Variants in CDKAL1 observed in about 807,000 individuals in gnomAD.
CDKAL1 encodes threonylcarbamoyladenosine tRNA methylthiotransferase.
CDKAL1 carries 32 observed loss-of-function variants against 68.2 expected under a neutral mutation model. The ratio of observed to expected loss-of-function variants is 0.47; its 90% CI spans 0.35 to 0.63. The LOEUF is 0.63. Among genes scored for constraint, CDKAL1 ranks in the 30% least tolerant of loss-of-function variants. CDKAL1 has a pLI of 0.00. For synonymous variants in CDKAL1, 234 were observed against 244.3 expected (o/e 0.96, Z 0.39); for missense variants, 606 against 696.7 (o/e 0.87, Z 1.47).
chr6:20,578,763 T>G (rs1765018210), intron 4 of CDKAL1, among the ~76,000 whole-genome samples: 1 of 152,214 alleles, frequency 6.6e-6, no homozygotes. Context: ...CATTGACATC[T>G]GATGAAGAAG....
intron 8 of CDKAL1, among the ~76,000 whole-genome samples, chr6:20,841,660 A>G (rs946358648): frequency 4.6e-5 from 7 of 152,210 alleles, no homozygotes; most frequent in Admixed American, 2.0e-4. Flanking sequence ...TGTCATCCCA[A>G]CCCTTTGGGA....
chr6:20,716,845 A>G (rs1437207312), intron 5 of CDKAL1, among the ~76,000 whole-genome samples: 1 of 151,908 alleles, frequency 6.6e-6, no homozygotes, highest in Non-Finnish European at 1.5e-5. Context: ...AATCCATGGG[A>G]CTGCAGAAGA....
intron 4 of CDKAL1, among the ~76,000 whole-genome samples, chr6:20,640,562 T>C (rs1277702202): frequency 1.3e-5 from 2 of 152,220 alleles, no homozygotes; most frequent in East Asian, 1.9e-4. Flanking sequence ...ACATGACATG[T>C]TCAAGATCTT....
At chr6:21,132,487 A>G (rs866024317) in intron 13 of CDKAL1, among the ~76,000 whole-genome samples, 38 of 152,228 alleles carry the variant, frequency 2.5e-4, no homozygotes, top group African/African-American at 9.1e-4. Flanking sequence ...GCCATTATAC[A>G]TAAGGTCTTA....
intron 9 of CDKAL1, among the ~76,000 whole-genome samples, chr6:20,893,504 A>G (rs967411023): frequency 6.6e-6 from 1 of 152,188 alleles, no homozygotes; most frequent in African/African-American, 2.4e-5. Flanking sequence ...GGGGAAGGAT[A>G]ATGTGAATTT....
intron 2 of CDKAL1, among the ~76,000 whole-genome samples, chr6:20,542,056 C>T (rs551026060): frequency 6.6e-6 from 1 of 152,326 alleles, no homozygotes; most frequent in East Asian, 1.9e-4. Context: ...ATCTTTGGTT[C>T]TTACTGACAA....
intron 8 of CDKAL1, among the ~76,000 whole-genome samples, chr6:20,833,429 G>A (rs1472014481): frequency 1.3e-5 from 2 of 151,592 alleles, no homozygotes; most frequent in African/African-American, 4.9e-5. Flanking sequence ...CCCTGAAGAG[G>A]GATACTCAAA....
At chr6:20,656,693 T>A (rs960677643) in intron 5 of CDKAL1, among the ~76,000 whole-genome samples, 19 of 152,248 alleles carry the variant, frequency 1.2e-4, no homozygotes, top group African/African-American at 4.6e-4. Flanking sequence ...CAAATATAAC[T>A]TGTGTCAATG....
At chr6:20,655,257 T>G (rs1768969977) in intron 5 of CDKAL1, among the ~76,000 whole-genome samples, 1 of 152,204 alleles carries the variant, frequency 6.6e-6, no homozygotes. Flanking sequence ...GGTCAGGGAC[T>G]TAGTTGTAGT....
chr6:20,791,964 C>T (rs570857971), intron 8 of CDKAL1, among the ~76,000 whole-genome samples: 3 of 151,232 alleles, frequency 2.0e-5, no homozygotes, highest in Admixed American at 6.6e-5. Context: ...AACTTGTTTT[C>T]CAGCCCTATC....
chr6:21,106,813 G>GT (rs1163190318), intron 12 of CDKAL1, among the ~76,000 whole-genome samples: 2 of 152,082 alleles, frequency 1.3e-5, no homozygotes, highest in Non-Finnish European at 2.9e-5. Flanking sequence ...TACATAGAAT[G>GT]ACCTCTTTTC....
chr6:20,885,986 A>C (rs1389206356), intron 9 of CDKAL1, among the ~76,000 whole-genome samples: 2 of 152,106 alleles, frequency 1.3e-5, no homozygotes, highest in African/African-American at 4.8e-5. Flanking sequence ...GCAGTGAGCC[A>C]AGATCATGCC....
intron 11 of CDKAL1, among the ~76,000 whole-genome samples, chr6:21,061,771 G>T (rs373381336): frequency 6.6e-6 from 1 of 152,054 alleles, no homozygotes; most frequent in African/African-American, 2.4e-5. Context: ...GATCATTTGC[G>T]TATATAAAAT....
chr6:20,736,767 G>A (rs1773214134), intron 5 of CDKAL1, among the ~76,000 whole-genome samples: 1 of 147,564 alleles, frequency 6.8e-6, no homozygotes, highest in African/African-American at 2.6e-5. Context: ...GCGAGACTCT[G>A]CCTCAAAAAA....
At chr6:20,972,155 G>GT (rs1347288207) in intron 10 of CDKAL1, among the ~76,000 whole-genome samples, 11 of 152,178 alleles carry the variant, frequency 7.2e-5, no homozygotes, top group Admixed American at 7.2e-4. Context: ...ACTTGCAAGT[G>GT]TTTTTCATGC....
chr6:20,590,894 A>G (rs1164994520), intron 4 of CDKAL1, among the ~76,000 whole-genome samples: 1 of 152,150 alleles, frequency 6.6e-6, no homozygotes, highest in African/African-American at 2.4e-5. Context: ...GCTGGGTCAA[A>G]TGGTATTTCT....
intron 4 of CDKAL1, among the ~76,000 whole-genome samples, chr6:20,593,319 A>G (rs1765674122): frequency 6.6e-6 from 1 of 152,068 alleles, no homozygotes; most frequent in Non-Finnish European, 1.5e-5. Context: ...TTTGGTTGGT[A>G]GGCTATTAAT....
At chr6:20,711,379 C>A (rs950320967) in intron 5 of CDKAL1, among the ~76,000 whole-genome samples, 2 of 152,106 alleles carry the variant, frequency 1.3e-5, no homozygotes, top group African/African-American at 4.8e-5. Context: ...AAGACTGAAG[C>A]ATAGATTCCT....
chr6:20,712,137 A>T (rs1771873897), intron 5 of CDKAL1, among the ~76,000 whole-genome samples: 1 of 152,144 alleles, frequency 6.6e-6, no homozygotes. Context: ...GAGTTGGCAA[A>T]CAAAAGTGAT....
Sources: gnomAD v4.1 joint callset for allele counts (sites outside exome capture counted in the v4.1 genomes callset) on GRCh38, gnomAD v4.1.1 for gene constraint, MANE v1.5 for transcripts, NCBI Gene and HGNC (gene_info 2026-07-23, HGNC 2026-07-21) for gene names.